CADM1: variants seen among roughly 807,000 people sequenced by gnomAD.
CADM1 encodes TSLC-1.
A neutral mutation model predicts 53.1 loss-of-function variants in CADM1; 15 were observed. The observed-to-expected ratio is 0.28, with a 90% CI of 0.19 to 0.44. CADM1 has a LOEUF of 0.44. Ranked by LOEUF, CADM1 falls within the 20% of genes least tolerant of loss-of-function variation. The probability of loss-of-function intolerance (pLI) is 1.00; values close to 1 mark genes in which losing one functional copy is unlikely to be tolerated. For synonymous variants in CADM1, 281 were observed against 243.0 expected (o/e 1.16, Z -1.45); for missense variants, 434 against 611.3 (o/e 0.71, Z 3.06).
At chr11:115,196,609 A>AAAAAAAAAAAAAAAAAAAAAAAAAC (rs1940164272) in intron 9 of CADM1, among the ~76,000 whole-genome samples, 1 of 150,912 alleles carries the variant, frequency 6.6e-6, no homozygotes. Flanking sequence ...AAAAAAAAAA[A>AAAAAAAAAAAAAAAAAAAAAAAAAC]AAAAAAAAAA....
intron 1 of CADM1, among the ~76,000 whole-genome samples, chr11:115,503,952 T>A (rs1416492096): frequency 6.6e-6 from 1 of 151,796 alleles, no homozygotes; most frequent in East Asian, 2.0e-4. Flanking sequence ...CTTTGAACCA[T>A]CCCCTTCCCC....
chr11:115,322,694 CATA>C (rs952842318), intron 1 of CADM1, among the ~76,000 whole-genome samples: 27 of 152,242 alleles, frequency 1.8e-4, no homozygotes, highest in African/African-American at 6.5e-4. Context: ...TTCCACTTAG[CATA>C]ATGTTTTCAA....
intron 1 of CADM1, among the ~76,000 whole-genome samples, chr11:115,468,365 C>A (rs143074694): frequency 6.6e-6 from 1 of 152,126 alleles, no homozygotes; most frequent in Non-Finnish European, 1.5e-5. Flanking sequence ...AGATTTGAAG[C>A]CTTCTCCAAA....
chr11:115,267,953 C>CA (rs1445127860), intron 1 of CADM1, among the ~76,000 whole-genome samples: 1 of 152,116 alleles, frequency 6.6e-6, no homozygotes, highest in Non-Finnish European at 1.5e-5. Flanking sequence ...GTCTTGTTAG[C>CA]AAAAGGATTA....
intron 1 of CADM1, among the ~76,000 whole-genome samples, chr11:115,357,303 G>C (rs1335584494): frequency 6.6e-6 from 1 of 152,154 alleles, no homozygotes; most frequent in Non-Finnish European, 1.5e-5. Context: ...TTAATACCGG[G>C]AAAGTAAACA....
chr11:115,330,402 T>C (rs1945100114), intron 1 of CADM1, among the ~76,000 whole-genome samples: 1 of 152,198 alleles, frequency 6.6e-6, no homozygotes, highest in African/African-American at 2.4e-5. Flanking sequence ...ATTTCTTTGC[T>C]TTGGAGCTGC....
chr11:115,217,093 TC>T, intron 6 of CADM1, among the ~76,000 whole-genome samples: 1 of 152,232 alleles, frequency 6.6e-6, no homozygotes. Context: ...TTTTTTTCTT[TC>T]CCCCACTAAG....
intron 1 of CADM1, among the ~76,000 whole-genome samples, chr11:115,435,141 G>A (rs1282075327): frequency 2.0e-5 from 3 of 151,906 alleles, no homozygotes; most frequent in Admixed American, 1.3e-4. Flanking sequence ...GATTACAGAC[G>A]TGAGCCACTG....
intron 1 of CADM1, 91 bp downstream of exon 1, chr11:115,504,180 G>C: frequency 6.6e-7 from 1 of 1,524,004 alleles, no homozygotes; most frequent in Non-Finnish European, 8.9e-7. Flanking sequence ...GTGGGGGGAG[G>C]TTGTCATGGA....
At chr11:115,341,370 A>G (rs1945441991) in intron 1 of CADM1, among the ~76,000 whole-genome samples, 2 of 152,222 alleles carry the variant, frequency 1.3e-5, no homozygotes, top group Non-Finnish European at 2.9e-5. Flanking sequence ...AGTAATGACA[A>G]CTACCTTTAA....
intron 1 of CADM1, among the ~76,000 whole-genome samples, chr11:115,350,732 G>C (rs148512592): frequency 6.6e-6 from 1 of 151,794 alleles, no homozygotes; most frequent in East Asian, 1.9e-4. Flanking sequence ...TTAGCAATTA[G>C]CATTTTCTTT....
chr11:115,195,464 T>A (rs1473661064), intron 9 of CADM1, among the ~76,000 whole-genome samples: 2 of 152,230 alleles, frequency 1.3e-5, no homozygotes, highest in Non-Finnish European at 1.5e-5. Context: ...AAATCCAGTA[T>A]GAAAACTTTT....
intron 1 of CADM1, among the ~76,000 whole-genome samples, chr11:115,402,238 C>G (rs570658513): frequency 6.6e-6 from 1 of 152,170 alleles, no homozygotes; most frequent in African/African-American, 2.4e-5. Flanking sequence ...TAAAAAGCTC[C>G]TAAGGTCCAG....
intron 7 of CADM1, 137 bp from the exon 8 acceptor site, chr11:115,209,794 G>A: frequency 3.0e-6 from 3 of 1,013,640 alleles, no homozygotes; most frequent in Non-Finnish European, 4.4e-6. Context: ...TTCTTTCCCT[G>A]CAAGATTTAT....
In CADM1 at chr11:115,292,086, A is replaced by G. The variant is rs896266182; in HGVS notation, c.125-51666T>C. ...GCTTGTCTTCTGTTTCTTACCACCC[A>G]CTGAAACAACAGCTGGAGGGGTCAT... On this transcript the variant is annotated intron_variant, in intron 1 of 11. Transcript: ENST00000331581. Among the ~76,000 whole-genome samples, 6 of 152,202 alleles carry G rather than the reference A, an allele frequency of 3.9e-5. No homozygotes were observed. The East Asian group carries it at 9.7e-4, about 25-fold the overall frequency.
chr11:115,352,077 G>A (rs1027904053), intron 1 of CADM1, among the ~76,000 whole-genome samples: 1 of 152,140 alleles, frequency 6.6e-6, no homozygotes, highest in Non-Finnish European at 1.5e-5. Context: ...CAGATGTAGT[G>A]ATGAAAACAC....
At chr11:115,413,223 GT>G (rs1159765586) in intron 1 of CADM1, among the ~76,000 whole-genome samples, 1 of 152,114 alleles carries the variant, frequency 6.6e-6, no homozygotes, top group Non-Finnish European at 1.5e-5. Context: ...AATATTATTA[GT>G]TTTTTATATA....
At chr11:115,229,862 G>A (rs986737019) in intron 4 of CADM1, among the ~76,000 whole-genome samples, 2 of 152,144 alleles carry the variant, frequency 1.3e-5, no homozygotes, top group Non-Finnish European at 1.5e-5. Flanking sequence ...GAGACTTTTG[G>A]AAGACCTCAA....
At chr11:115,249,974 G>A (rs1591642044) in intron 1 of CADM1, among the ~76,000 whole-genome samples, 1 of 152,108 alleles carries the variant, frequency 6.6e-6, no homozygotes, top group African/African-American at 2.4e-5. Context: ...GTGCGATCTC[G>A]GCTCACTGCA....
Sources: allele counts gnomAD v4.1 joint callset (sites outside exome capture counted in the v4.1 genomes callset), GRCh38; gene constraint gnomAD v4.1.1; transcripts MANE v1.5; gene names NCBI Gene and HGNC (gene_info 2026-07-23, HGNC 2026-07-21).